The following LRRC4C variants were observed in gnomAD, a reference collection of about 807,000 sequenced individuals.
LRRC4C encodes the protein leucine rich repeat containing 4C, also known as leucine-rich repeat-containing protein 4C.
In LRRC4C, 5 loss-of-function variants were observed where a neutral mutation model predicts 33.6. That is an observed-to-expected ratio of 0.15 (90% CI 0.08 to 0.31). The LOEUF is 0.31. Among genes scored for constraint, LRRC4C ranks in the 10% least tolerant of loss-of-function variants. LRRC4C has a pLI of 1.00. For missense variants in LRRC4C, 560 were observed against 796.7 expected (o/e 0.70, Z 3.58); for synonymous variants, 329 against 302.0 (o/e 1.09, Z -0.93).
At chr11:40,141,470 G>A (rs1409280005) in intron 5 of LRRC4C, among the ~76,000 whole-genome samples, 1 of 152,186 alleles carries the variant, frequency 6.6e-6, no homozygotes, top group South Asian at 2.1e-4. Context: ...AAGAGAGAGA[G>A]CTCACATTTT....
At chr11:41,392,549 C>CCAAA (rs1331404042) in intron 1 of LRRC4C, among the ~76,000 whole-genome samples, 3 of 139,060 alleles carry the variant, frequency 2.2e-5, no homozygotes, top group South Asian at 2.2e-4. Context: ...ACCACCTCCC[C>CCAAA]CAAACAAACA....
At chr11:40,240,522 C>T (rs1470638296) in intron 5 of LRRC4C, among the ~76,000 whole-genome samples, 2 of 152,126 alleles carry the variant, frequency 1.3e-5, no homozygotes, top group East Asian at 3.9e-4. Context: ...CTACCATAAC[C>T]CAGTTTCTCC....
At chr11:41,338,436 C>G (rs1951525262) in intron 1 of LRRC4C, among the ~76,000 whole-genome samples, 1 of 152,084 alleles carries the variant, frequency 6.6e-6, no homozygotes, top group South Asian at 2.1e-4. Context: ...AGAAAATTAA[C>G]ACAGGAACAG....
At chr11:40,824,083 CA>C (rs974706378) in intron 2 of LRRC4C, among the ~76,000 whole-genome samples, 3 of 151,334 alleles carry the variant, frequency 2.0e-5, no homozygotes, top group Non-Finnish European at 4.4e-5. Context: ...GTGGAATTTC[CA>C]AAAAAAGGAA....
chr11:40,498,838 C>T (rs1412066200), intron 3 of LRRC4C, among the ~76,000 whole-genome samples: 1 of 152,086 alleles, frequency 6.6e-6, no homozygotes, highest in African/African-American at 2.4e-5. Context: ...AACATTTTTA[C>T]TGGACTAAGT....
At chr11:40,495,533 T>C (rs1954386762) in intron 3 of LRRC4C, among the ~76,000 whole-genome samples, 1 of 152,108 alleles carries the variant, frequency 6.6e-6, no homozygotes, top group Non-Finnish European at 1.5e-5. Context: ...ATATTACACG[T>C]TAAATTATTT....
At chr11:40,577,341 G>A (rs1958235961) in intron 3 of LRRC4C, among the ~76,000 whole-genome samples, 1 of 152,172 alleles carries the variant, frequency 6.6e-6, no homozygotes, top group Non-Finnish European at 1.5e-5. Flanking sequence ...AGACTGGAGA[G>A]AAGTGGCCTA....
rs2167663 is a variant in LRRC4C at position 40,296,870 on chromosome 11, G to A, written c.-176+22758C>T. 7.3e-3 allele frequency among the ~76,000 whole-genome samples: 1,106 copies of A among 152,232 alleles called. 4 individuals are homozygous for A. The highest frequency in any genetic ancestry group is 0.011 in the Admixed American group (165 of 15,288). On this transcript the variant is annotated intron_variant, in intron 4 of 6. Coordinates refer to ENST00000528697, the MANE Select transcript of LRRC4C (RefSeq NM_001258419.2). The stretch of plus-strand genomic sequence containing the variant: ...ACCACCCTTCCCATTAGCCCATCTA[G>A]TTACCAAAAGCATGGAGAGGACAAA...
At chr11:40,654,764 T>C (rs960089797) in intron 2 of LRRC4C, among the ~76,000 whole-genome samples, 11 of 152,112 alleles carry the variant, frequency 7.2e-5, no homozygotes, top group Non-Finnish European at 1.6e-4. Context: ...GAGGGAGTGA[T>C]ATTGTTTGGC....
intron 1 of LRRC4C, among the ~76,000 whole-genome samples, chr11:41,276,127 T>C (rs180854312): frequency 4.6e-5 from 7 of 152,286 alleles, no homozygotes; most frequent in Admixed American, 1.3e-4. Context: ...CTACACGTGG[T>C]ACTTAAATTT....
At chr11:41,093,660 A>G (rs1385682323) in intron 1 of LRRC4C, among the ~76,000 whole-genome samples, 1 of 152,132 alleles carries the variant, frequency 6.6e-6, no homozygotes, top group Non-Finnish European at 1.5e-5. Flanking sequence ...TTTCTCCCAG[A>G]GAAACCTCTT....
chr11:41,303,619 C>A (rs1355233867), intron 1 of LRRC4C, among the ~76,000 whole-genome samples: 1 of 33,294 alleles, frequency 3.0e-5, no homozygotes, highest in African/African-American at 1.0e-4. Flanking sequence ...TCCGCCCGGC[C>A]GCCATCCCAT....
chr11:41,271,283 T>C (rs4237685), intron 1 of LRRC4C, among the ~76,000 whole-genome samples: 151,899 of 152,178 alleles, frequency 1, 75,810 homozygotes, highest in East Asian at 1. Flanking sequence ...CTCAAACCAC[T>C]CCAAAGGCTT....
At chr11:40,743,458 A>C (rs952019961) in intron 2 of LRRC4C, among the ~76,000 whole-genome samples, 1 of 152,076 alleles carries the variant, frequency 6.6e-6, no homozygotes, top group African/African-American at 2.4e-5. Flanking sequence ...AGATGCATTC[A>C]CTTCTGAAAA....
At chr11:40,605,204 A>G (rs58185597) in intron 3 of LRRC4C, among the ~76,000 whole-genome samples, 66,008 of 151,784 alleles carry the variant, frequency 0.43, 15,361 homozygotes, top group Middle Eastern at 0.58. Context: ...GAGGTGGGGG[A>G]CAAAGCGATT....
At chr11:41,275,068 C>T (rs900678014) in intron 1 of LRRC4C, among the ~76,000 whole-genome samples, 1 of 152,038 alleles carries the variant, frequency 6.6e-6, no homozygotes, top group African/African-American at 2.4e-5. Flanking sequence ...GAGCCTGGCA[C>T]CTCCTCTCTC....
intron 3 of LRRC4C, among the ~76,000 whole-genome samples, chr11:40,551,587 C>T (rs1483170575): frequency 6.6e-6 from 1 of 152,164 alleles, no homozygotes; most frequent in African/African-American, 2.4e-5. Flanking sequence ...GGTAAGTTTT[C>T]TCCCCTGTAC....
chr11:40,371,524 T>C (rs1030159151), intron 3 of LRRC4C, among the ~76,000 whole-genome samples: 6 of 152,208 alleles, frequency 3.9e-5, no homozygotes, highest in African/African-American at 1.4e-4. Context: ...TTATAGACCA[T>C]GGTGGACTCT....
At chr11:41,436,333 C>T (rs1955428088) in intron 1 of LRRC4C, among the ~76,000 whole-genome samples, 1 of 152,168 alleles carries the variant, frequency 6.6e-6, no homozygotes, top group African/African-American at 2.4e-5. Context: ...GATAAACATA[C>T]ACCCTTTAAA....
Sources: allele counts gnomAD v4.1 joint callset (sites outside exome capture counted in the v4.1 genomes callset), GRCh38; gene constraint gnomAD v4.1.1; transcripts MANE v1.5; gene names NCBI Gene and HGNC (gene_info 2026-07-23, HGNC 2026-07-21).